LHFPL6: variants seen among roughly 807,000 people sequenced by gnomAD.
The protein encoded by LHFPL6 is LHFPL tetraspan subfamily member 6 protein.
LHFPL6 carries 9 observed loss-of-function variants against 20.6 expected under a neutral mutation model. The ratio of observed to expected loss-of-function variants is 0.44; its 90% confidence interval spans 0.26 to 0.76. The LOEUF (loss-of-function observed/expected upper bound fraction) is 0.76. Ranked by LOEUF, LHFPL6 falls within the 30% of genes least tolerant of loss-of-function variation. The probability of loss-of-function intolerance (pLI) is 0.20; values close to 1 mark genes in which losing one functional copy is unlikely to be tolerated. For missense variants in LHFPL6, 218 were observed against 253.5 expected, an observed-to-expected ratio of 0.86 and a Z score of 0.95; for synonymous variants, 105 against 98.7, an observed-to-expected ratio of 1.06 and a Z score of -0.38.
chr13:39,464,446 AAT>A (rs1332826517), intron 2 of LHFPL6, among the ~76,000 whole-genome samples: 1 of 152,202 alleles, frequency 6.6e-6, no homozygotes, highest in Non-Finnish European at 1.5e-5. Context: ...CCATAAAATG[AAT>A]AGTTACTAAA....
rs184683417 is a variant in LHFPL6, at chr13:39,419,579, A to C, written c.386-41053T>G. ...AATCAAAATGTTTTAGCTTTTACTA[A>C]AGTTGTAATATTCCTAATTGAGCAA... On this transcript the variant is annotated intron_variant, in intron 2 of 3. Transcript: ENST00000379589. 4.6e-5 allele frequency among the ~76,000 whole-genome samples: 7 copies of C among 152,354 alleles called. No individual in the cohort carries two copies. The East Asian group carries it at 1.3e-3, about 29-fold the overall frequency.
chr13:39,465,444 A>G (rs1383961000), intron 2 of LHFPL6, among the ~76,000 whole-genome samples: 1 of 152,146 alleles, frequency 6.6e-6, no homozygotes, highest in Non-Finnish European at 1.5e-5. Context: ...CTACTTTTCC[A>G]ATATATTCAG....
At chr13:39,401,261 T>A (rs919775830) in intron 2 of LHFPL6, among the ~76,000 whole-genome samples, 2 of 152,342 alleles carry the variant, frequency 1.3e-5, no homozygotes, top group East Asian at 3.9e-4. Context: ...ATGAACCTGT[T>A]ACATAACAAT....
rs375723542 is a variant in LHFPL6 at position 39,489,378 on chromosome 13, T to C, written c.386-110852A>G. On this transcript the variant is annotated intron_variant, in intron 2 of 3. Coordinates refer to ENST00000379589, the MANE Select transcript of LHFPL6 (RefSeq NM_005780.3). ...ACTGTTCCTGATCAGGAGTGCTTCC[T>C]TGGACAAGGTCTATCAGTTGTCTAC... Among the ~76,000 whole-genome samples, 183 of 152,278 alleles carry C rather than the reference T, an allele frequency of 1.2e-3. 1 individual carries two copies. Among genetic ancestry groups the C allele is most frequent in the African/African-American group, 4.1e-3 (172 of 41,556 alleles).
intron 2 of LHFPL6, among the ~76,000 whole-genome samples, chr13:39,591,186 A>G (rs1872580799): frequency 6.6e-6 from 1 of 152,224 alleles, no homozygotes; most frequent in Non-Finnish European, 1.5e-5. Context: ...AAAACGGGGA[A>G]AAACTGATAA....
At chr13:39,588,715 T>G (rs950855412) in intron 2 of LHFPL6, among the ~76,000 whole-genome samples, 1 of 152,192 alleles carries the variant, frequency 6.6e-6, no homozygotes, top group Non-Finnish European at 1.5e-5. Context: ...AATATTCCCA[T>G]GAGGTACAGA....
intron 2 of LHFPL6, among the ~76,000 whole-genome samples, chr13:39,529,543 C>T (rs1328359137): frequency 2.0e-5 from 3 of 152,304 alleles, no homozygotes; most frequent in South Asian, 2.1e-4. Flanking sequence ...TAGGTTCATA[C>T]TTAGTGTGTA....
At chr13:39,467,052 A>G (rs1872821366) in intron 2 of LHFPL6, among the ~76,000 whole-genome samples, 1 of 152,180 alleles carries the variant, frequency 6.6e-6, no homozygotes, top group Non-Finnish European at 1.5e-5. Context: ...AGTTCTGATA[A>G]AATTAGACAA....
rs557667348 is a variant in LHFPL6 at position 39,560,635 on chromosome 13, C to A, written c.385+40197G>T. On this transcript the variant is annotated intron_variant, in intron 2 of 3. Coordinates refer to ENST00000379589, the MANE Select transcript of LHFPL6 (RefSeq NM_005780.3). Reference sequence around the variant, plus strand: ...GTTCACGCCATTCTCCTACCTCAGCCTCCCGTGTAGCTGGAACTACAGGTG... The same window carrying A: ...GTTCACGCCATTCTCCTACCTCAGCATCCCGTGTAGCTGGAACTACAGGTG... Among the ~76,000 whole-genome samples the A allele has an allele frequency of 2.0e-5, 3 of 151,764 alleles. No homozygotes were observed. In the South Asian group the frequency reaches 6.3e-4, roughly 32 times the overall value.
At chr13:39,466,929 T>G (rs1872818681) in intron 2 of LHFPL6, among the ~76,000 whole-genome samples, 1 of 152,240 alleles carries the variant, frequency 6.6e-6, no homozygotes, top group Non-Finnish European at 1.5e-5. Context: ...TCATTATTCA[T>G]CTATTTGCTT....
At chr13:39,499,912 A>C (rs1343885229) in intron 2 of LHFPL6, among the ~76,000 whole-genome samples, 4 of 152,168 alleles carry the variant, frequency 2.6e-5, no homozygotes, top group African/African-American at 9.7e-5. Context: ...AATCACACAC[A>C]TTGTTGACAT....
intron 3 of LHFPL6, among the ~76,000 whole-genome samples, chr13:39,363,469 C>T (rs536926355): frequency 2.9e-4 from 44 of 152,240 alleles, no homozygotes; most frequent in African/African-American, 7.9e-4. Flanking sequence ...AAAGCAACCA[C>T]GGTCACCAAA....
At chr13:39,494,691 C>T (rs1869039138) in intron 2 of LHFPL6, among the ~76,000 whole-genome samples, 1 of 152,150 alleles carries the variant, frequency 6.6e-6, no homozygotes, top group Non-Finnish European at 1.5e-5. Flanking sequence ...CTACAGCTCA[C>T]AAAACTACAG....
intron 2 of LHFPL6, among the ~76,000 whole-genome samples, chr13:39,525,018 A>C (rs533814360): frequency 2.0e-5 from 3 of 152,216 alleles, no homozygotes; most frequent in Non-Finnish European, 4.4e-5. Context: ...AAATAAGCTC[A>C]TCTGACATAA....
chr13:39,463,430 C>T (rs1872731638), intron 2 of LHFPL6, among the ~76,000 whole-genome samples: 1 of 152,060 alleles, frequency 6.6e-6, no homozygotes, highest in South Asian at 2.1e-4. Flanking sequence ...CAGTGGTAGT[C>T]TTAGAAGAAT....
intron 2 of LHFPL6, among the ~76,000 whole-genome samples, chr13:39,469,456 G>A (rs1872890061): frequency 1.3e-5 from 2 of 152,234 alleles, no homozygotes; most frequent in South Asian, 4.1e-4. Flanking sequence ...CACATCCACT[G>A]TGGAATATAG....
At chr13:39,415,353 C>T (rs929933081) in intron 2 of LHFPL6, among the ~76,000 whole-genome samples, 7 of 152,104 alleles carry the variant, frequency 4.6e-5, no homozygotes, top group African/African-American at 1.7e-4. Context: ...AAAAGTAGTT[C>T]AGCAAAGTTG....
At chr13:39,471,279 C>T in intron 2 of LHFPL6, among the ~76,000 whole-genome samples, 1 of 152,212 alleles carries the variant, frequency 6.6e-6, no homozygotes, top group East Asian at 1.9e-4. Flanking sequence ...GAATTTCTAT[C>T]ATTTCCACCT....
intron 3 of LHFPL6, among the ~76,000 whole-genome samples, chr13:39,374,517 C>T (rs1044572921): frequency 6.6e-6 from 1 of 151,768 alleles, no homozygotes; most frequent in African/African-American, 2.4e-5. Context: ...CACATGTACC[C>T]ACTGAATCTA....
Sources: gnomAD v4.1 joint callset for allele counts (sites outside exome capture counted in the v4.1 genomes callset) on GRCh38, gnomAD v4.1.1 for gene constraint, MANE v1.5 for transcripts, NCBI Gene and HGNC (gene_info 2026-07-23, HGNC 2026-07-21) for gene names.